The following GABRA2 variants were observed in gnomAD, a reference collection of about 807,000 sequenced individuals.
GABRA2 encodes the protein gamma-aminobutyric acid receptor subunit alpha-2.
A neutral mutation model predicts 48.7 loss-of-function variants in GABRA2; 16 were observed. That is an observed-to-expected ratio of 0.33 (90% CI 0.22 to 0.50). The LOEUF (loss-of-function observed/expected upper bound fraction) is 0.50, where lower values mean the gene tolerates loss of function less well. Ranked by LOEUF, GABRA2 falls within the 20% of genes least tolerant of loss-of-function variation. The pLI is 0.98. For synonymous variants in GABRA2, 185 were observed against 184.5 expected (o/e 1.00, Z -0.02); for missense variants, 275 against 535.6 (o/e 0.51, Z 4.80).
intron 3 of GABRA2, among the ~76,000 whole-genome samples, chr4:46,385,446 TA>T (rs1717319274): frequency 6.6e-6 from 1 of 152,014 alleles, no homozygotes; most frequent in Non-Finnish European, 1.5e-5. Context: ...TCTGAATATT[TA>T]TTTTATTTTT....
At chr4:46,310,117 G>A in intron 6 of GABRA2, 56 bp downstream of exon 6, 2 of 1,284,498 alleles carry the variant, frequency 1.6e-6, no homozygotes, top group Non-Finnish European at 1.1e-6. Flanking sequence ...GAGCAGTGCT[G>A]CTGACTTTCC....
At chr4:46,321,638 A>T (rs1371193395) in intron 4 of GABRA2, among the ~76,000 whole-genome samples, 1 of 152,100 alleles carries the variant, frequency 6.6e-6, no homozygotes, top group African/African-American at 2.4e-5. Flanking sequence ...CTTTCTTTAT[A>T]TCAGTTGACT....
chr4:46,327,098 C>T (rs1274744690), intron 4 of GABRA2, among the ~76,000 whole-genome samples: 1 of 151,798 alleles, frequency 6.6e-6, no homozygotes, highest in East Asian at 2.0e-4. Context: ...AGATTTCTAA[C>T]TAGTCTTCCT....
chr4:46,292,814 AC>A (rs111633960), intron 8 of GABRA2, among the ~76,000 whole-genome samples: 2,370 of 152,106 alleles, frequency 0.016, 63 homozygotes, highest in African/African-American at 0.054. Context: ...TAGAAGACAT[AC>A]CCTTGACCAA....
intron 5 of GABRA2, among the ~76,000 whole-genome samples, chr4:46,311,883 G>A (rs1363203056): frequency 6.6e-6 from 1 of 152,214 alleles, no homozygotes; most frequent in Non-Finnish European, 1.5e-5. Context: ...TGGATCACTT[G>A]AGGCCAGGAG....
chr4:46,244,722 T>G lies in GABRA2; in HGVS notation c.*5586A>C, dbSNP rs1351995920. Reference sequence around the variant, plus strand: ...AAGGAAATGAAGGAAGTGCTTACTTTTGCTTAATCAACATTAATCATTTTT... The same window carrying G: ...AAGGAAATGAAGGAAGTGCTTACTTGTGCTTAATCAACATTAATCATTTTT... On this transcript the variant is annotated 3_prime_UTR_variant, in exon 10 of 10. Transcript: ENST00000381620. Among the ~76,000 whole-genome samples the G allele has an allele frequency of 6.6e-6, 1 of 151,522 alleles. No individual in the cohort carries two copies. Among genetic ancestry groups the G allele is most frequent in the Non-Finnish European group, 1.5e-5 (1 of 67,624 alleles).
chr4:46,362,778 T>C (rs564843397), intron 3 of GABRA2, among the ~76,000 whole-genome samples: 5 of 152,214 alleles, frequency 3.3e-5, no homozygotes, highest in Non-Finnish European at 7.3e-5. Context: ...CTGATTTACA[T>C]GCAGCAAAGC....
intron 3 of GABRA2, among the ~76,000 whole-genome samples, chr4:46,341,255 T>A (rs1733171406): frequency 6.6e-6 from 1 of 152,150 alleles, no homozygotes; most frequent in Admixed American, 6.6e-5. Flanking sequence ...TTGATTCCAG[T>A]TTTTTCTGTA....
chr4:46,389,531 A>T, intron 1 of GABRA2: 1 of 517,672 alleles, frequency 1.9e-6, no homozygotes, highest in Non-Finnish European at 2.5e-6. Context: ...GGTGTCCTGG[A>T]TTTTATTGTA....
At chr4:46,319,551 T>C (rs1385178654) in intron 4 of GABRA2, among the ~76,000 whole-genome samples, 1 of 151,780 alleles carries the variant, frequency 6.6e-6, no homozygotes, top group African/African-American at 2.4e-5. Context: ...TAGCACAGTA[T>C]TTGCATTGCA....
intron 7 of GABRA2, among the ~76,000 whole-genome samples, chr4:46,303,867 G>A (rs1460636783): frequency 4.6e-5 from 7 of 152,140 alleles, no homozygotes; most frequent in Non-Finnish European, 8.8e-5. Flanking sequence ...TGTAAAATAC[G>A]TGGAACTAGA....
intron 3 of GABRA2, among the ~76,000 whole-genome samples, chr4:46,340,518 G>A (rs578041531): frequency 6.6e-6 from 1 of 151,972 alleles, no homozygotes; most frequent in South Asian, 2.1e-4. Context: ...TCATGAATGA[G>A]TGTTGGATTT....
At chr4:46,349,669 T>C (rs1284645341) in intron 3 of GABRA2, among the ~76,000 whole-genome samples, 1 of 151,938 alleles carries the variant, frequency 6.6e-6, no homozygotes, top group Admixed American at 6.6e-5. Flanking sequence ...CCTTGCTATC[T>C]TTCCCTGGAT....
At chr4:46,291,776 C>T (rs1048966840) in intron 8 of GABRA2, among the ~76,000 whole-genome samples, 118 of 144,804 alleles carry the variant, frequency 8.1e-4, no homozygotes, top group South Asian at 2.2e-3. Context: ...TAAACACACA[C>T]ATATATATAT....
intron 3 of GABRA2, chr4:46,368,931 G>C (rs1393917574): frequency 1.4e-6 from 1 of 692,998 alleles, no homozygotes. Flanking sequence ...TGCCCATGGA[G>C]AGCATTTGAG....
At chr4:46,340,978 T>C (rs968348405) in intron 3 of GABRA2, among the ~76,000 whole-genome samples, 1 of 151,996 alleles carries the variant, frequency 6.6e-6, no homozygotes, top group Admixed American at 6.6e-5. Flanking sequence ...TTTTTAGATT[T>C]ATTGATTCTT....
intron 3 of GABRA2, chr4:46,365,649 C>G (rs1713923892): frequency 1.3e-5 from 2 of 152,054 alleles, no homozygotes; most frequent in Admixed American, 6.6e-5. Flanking sequence ...TTATTTTATA[C>G]TTATTTTACT....
chr4:46,342,599 T>G (rs951403256), intron 3 of GABRA2, among the ~76,000 whole-genome samples: 5 of 152,038 alleles, frequency 3.3e-5, no homozygotes, highest in Admixed American at 2.0e-4. Context: ...CATTTACTTC[T>G]GCCTACGAGG....
intron 8 of GABRA2, among the ~76,000 whole-genome samples, chr4:46,287,368 G>T (rs1480121039): frequency 6.6e-6 from 1 of 151,922 alleles, no homozygotes; most frequent in Non-Finnish European, 1.5e-5. Flanking sequence ...AGCTATCCAT[G>T]CTCATGGATA....
Sources: gnomAD v4.1 joint callset for allele counts (sites outside exome capture counted in the v4.1 genomes callset) on GRCh38, gnomAD v4.1.1 for gene constraint, MANE v1.5 for transcripts, NCBI Gene and HGNC (gene_info 2026-07-23, HGNC 2026-07-21) for gene names.